UBE2L6: variants seen among roughly 807,000 people sequenced by gnomAD.
UBE2L6 encodes ubiquitin conjugating enzyme E2 L6.
UBE2L6 carries 11 observed loss-of-function variants against 13.6 expected under a neutral mutation model. That is an observed-to-expected ratio of 0.81 (90% CI 0.51 to 1.34). The LOEUF is 1.34. Among genes scored for constraint, UBE2L6 ranks in the 40% most tolerant of loss-of-function variants. The pLI, the probability that UBE2L6 is intolerant of heterozygous loss-of-function variation, is 0.00. For synonymous variants in UBE2L6, 74 were observed against 83.2 expected (o/e 0.89, Z 0.60); for missense variants, 197 against 199.5 (o/e 0.99, Z 0.07).
Position 57,552,122 on chromosome 11 carries a change from G to A in UBE2L6, c.*236C>T. On this transcript the variant is annotated 3_prime_UTR_variant, in exon 4 of 4. Transcript: ENST00000287156. ...TTAAACTCCCTTGGCTCTGGGGAAT[G>A]TAAAGGGTGTGGGAAGGGTGCACCT... 1.9e-6 allele frequency: 1 copy of A among 539,676 alleles called. No individual in the cohort carries two copies. 33.4% of individuals were successfully genotyped at this position (539,676 alleles called of 1,614,324 possible).
In UBE2L6 at chr11:57,560,358, C is replaced by T; in HGVS notation, c.102G>A (p.Val34=). ...NLSSDDANVL[V]WHALLLPDQP... ...TCACGGGTAGGAGGAGAGCGTGCCA[C>T]ACCAGGACATTGGCATCATCGCTGG... Residue 34 remains valine (V), a synonymous_variant, in exon 2 of 4, where the codon GTG becomes GTA. Transcript: ENST00000287156. 4 of 1,614,062 alleles carry T rather than the reference C, an allele frequency of 2.5e-6. No homozygotes were observed. The highest frequency in any genetic ancestry group is 3.4e-6 in the Non-Finnish European group (4 of 1,179,954).
chr11:57,566,528 C>T (rs1377724541), intron 1 of UBE2L6, among the ~76,000 whole-genome samples: 1 of 152,074 alleles, frequency 6.6e-6, no homozygotes. Flanking sequence ...CCATGTAAAC[C>T]GTTTGGCATG....
intron 2 of UBE2L6, among the ~76,000 whole-genome samples, chr11:57,556,452 T>G (rs540481510): frequency 1.4e-4 from 22 of 151,826 alleles, no homozygotes; most frequent in Non-Finnish European, 5.9e-5. Flanking sequence ...GGTGTGGTGG[T>G]GCATGCCTGT....
chr11:57,561,709 T>C (rs1008881240), intron 1 of UBE2L6, among the ~76,000 whole-genome samples: 1 of 152,222 alleles, frequency 6.6e-6, no homozygotes, highest in African/African-American at 2.4e-5. Context: ...AAGAGGTTTC[T>C]TCACTGGAGA....
chr11:57,554,406 A>T (rs774877517), intron 3 of UBE2L6, 31 bp downstream of exon 3: 2 of 1,609,502 alleles, frequency 1.2e-6, no homozygotes. Flanking sequence ...ACCCAGTATC[A>T]GTCCCTCCTC....
At chr11:57,565,371 T>TG (rs1223101936) in intron 1 of UBE2L6, among the ~76,000 whole-genome samples, 1 of 131,244 alleles carries the variant, frequency 7.6e-6, no homozygotes, top group Non-Finnish European at 1.7e-5. Context: ...TTTTTTTTTT[T>TG]TTTTTTTTTT....
chr11:57,554,326 A>G, intron 3 of UBE2L6, 111 bp downstream of exon 3: 2 of 1,359,208 alleles, frequency 1.5e-6, no homozygotes, highest in Non-Finnish European at 2.0e-6. Flanking sequence ...AAGACTCACA[A>G]TTTTTATCTC....
intron 3 of UBE2L6, 92 bp from the exon 4 acceptor site, chr11:57,552,601 C>G: frequency 6.7e-7 from 1 of 1,498,536 alleles, no homozygotes; most frequent in Non-Finnish European, 9.2e-7. Context: ...CACACTCACT[C>G]CTTGGGGGAA....
chr11:57,554,302 T>C (rs528236137), intron 3 of UBE2L6, 135 bp downstream of exon 3: 14 of 1,020,296 alleles, frequency 1.4e-5, no homozygotes, highest in South Asian at 1.2e-4. Flanking sequence ...TTCTATCTCA[T>C]AGTAAGTTCA....
chr11:57,567,686 C>G, upstream of UBE2L6: 1 of 1,525,822 alleles, frequency 6.6e-7, no homozygotes, highest in Non-Finnish European at 8.9e-7. Context: ...GCGCCCCGCC[C>G]CGCCCCGGGG....
chr11:57,556,134 C>T (rs1430761826), intron 2 of UBE2L6, among the ~76,000 whole-genome samples: 1 of 152,070 alleles, frequency 6.6e-6, no homozygotes, highest in African/African-American at 2.4e-5. Context: ...ATGGGGGTCA[C>T]ACAGACTCCG....
chr11:57,565,365 T>TTG (rs1554991414), intron 1 of UBE2L6, among the ~76,000 whole-genome samples: 1 of 102,576 alleles, frequency 9.7e-6, no homozygotes, highest in Non-Finnish European at 2.1e-5. Flanking sequence ...TGTTTTTTTT[T>TTG]TTTTTTTTTT....
chr11:57,556,462 T>A (rs1198658122), intron 2 of UBE2L6, among the ~76,000 whole-genome samples: 1 of 151,910 alleles, frequency 6.6e-6, no homozygotes, highest in East Asian at 1.9e-4. Context: ...TGCATGCCTG[T>A]AATATCCGCT....
chr11:57,566,961 C>CCCCCCCCCCCCA, intron 1 of UBE2L6: 2 of 346,554 alleles, frequency 5.8e-6, no homozygotes, highest in Non-Finnish European at 1.2e-5. Flanking sequence ...CCCCCCCCCT[C>CCCCCCCCCCCCA]CTAGAACAGG....
chr11:57,560,689 C>T (rs1363915027), intron 1 of UBE2L6, among the ~76,000 whole-genome samples: 1 of 150,072 alleles, frequency 6.7e-6, no homozygotes, highest in Non-Finnish European at 1.5e-5. Flanking sequence ...GGCGCAATCT[C>T]GGCTCCCTGC....
intron 1 of UBE2L6, among the ~76,000 whole-genome samples, chr11:57,562,481 G>A (rs1182889242): frequency 6.6e-5 from 10 of 152,232 alleles, no homozygotes; most frequent in East Asian, 1.9e-4. Flanking sequence ...TTGAGCGAAC[G>A]TAGGGCATAG....
chr11:57,564,575 G>A (rs962165074), intron 1 of UBE2L6, among the ~76,000 whole-genome samples: 6 of 152,186 alleles, frequency 3.9e-5, no homozygotes, highest in East Asian at 1.9e-4. Context: ...GGCCAAAGCC[G>A]GTGGATCACC....
At chr11:57,560,898 A>C (rs1047306996) in intron 1 of UBE2L6, among the ~76,000 whole-genome samples, 1 of 151,510 alleles carries the variant, frequency 6.6e-6, no homozygotes, top group African/African-American at 2.4e-5. Flanking sequence ...GGGATTACAG[A>C]CGTGAGCTAC....
Position 57,552,340 on chromosome 11 carries a change from A to C in UBE2L6, c.*18T>G, listed in dbSNP as rs1252612267. On this transcript the variant is annotated 3_prime_UTR_variant, in exon 4 of 4. Coordinates refer to ENST00000287156, the MANE Select transcript of UBE2L6 (RefSeq NM_004223.5). ...CCGCTATGCCGAGGATCCAGTGCAC[A>C]GAGGGTCAGAACATGAGTTAGGAGG... The C allele has an allele frequency of 1.8e-5, 29 of 1,613,798 alleles. No individual in the cohort carries two copies. Among genetic ancestry groups the C allele is most frequent in the Non-Finnish European group, 2.4e-5 (28 of 1,179,868 alleles).
Sources: gnomAD v4.1 joint callset for allele counts (sites outside exome capture counted in the v4.1 genomes callset) on GRCh38, gnomAD v4.1.1 for gene constraint, MANE v1.5 for transcripts, NCBI Gene and HGNC (gene_info 2026-07-23, HGNC 2026-07-21) for gene names.